The following LTBP1 variants were observed in gnomAD, a reference collection of about 807,000 sequenced individuals.
LTBP1 encodes the protein latent-transforming growth factor beta-binding protein 1.
Under a neutral mutation model 207.6 loss-of-function variants are expected in LTBP1, and 129 were observed. That is an observed-to-expected ratio of 0.62 (90% CI 0.54 to 0.72). The LOEUF is 0.72. Among genes scored for constraint, LTBP1 ranks in the 30% least tolerant of loss-of-function variants. The pLI is 0.00. For synonymous variants in LTBP1, 963 were observed against 833.7 expected, an observed-to-expected ratio of 1.16 and a Z score of -2.67; for missense variants, 2,281 against 2,217.2, an observed-to-expected ratio of 1.03 and a Z score of -0.58.
intron 2 of LTBP1, among the ~76,000 whole-genome samples, chr2:32,965,276 A>C (rs1452327152): frequency 6.6e-6 from 1 of 151,570 alleles, no homozygotes; most frequent in East Asian, 1.9e-4. Flanking sequence ...CATACACACA[A>C]CCTCTCCCAC....
chr2:33,100,271 T>C (rs1339162696), intron 3 of LTBP1, among the ~76,000 whole-genome samples: 1 of 152,112 alleles, frequency 6.6e-6, no homozygotes, highest in African/African-American at 2.4e-5. Context: ...AAAAATGAAG[T>C]TGATAACATG....
rs1284578783 is a variant in LTBP1, at chr2:33,019,445, C to T, written c.566-1464C>T. On this transcript the variant is annotated intron_variant, in intron 2 of 33. Coordinates refer to ENST00000404816, the MANE Select transcript of LTBP1 (RefSeq NM_206943.4). ...CTGTCCTCTGGGTTCAAGTGATTCTCCTACCTCAGCCTTCCGAGAACTGGG... is the reference window on the plus strand; with the variant it reads ...CTGTCCTCTGGGTTCAAGTGATTCTTCTACCTCAGCCTTCCGAGAACTGGG... Among the ~76,000 whole-genome samples the T allele has an allele frequency of 3.4e-5, 5 of 148,942 alleles. No individual in the cohort carries two copies. The East Asian group carries it at 8.1e-4, about 24-fold the overall frequency.
intron 3 of LTBP1, among the ~76,000 whole-genome samples, chr2:33,023,350 C>T (rs1052036059): frequency 1.3e-5 from 2 of 152,132 alleles, no homozygotes; most frequent in South Asian, 2.1e-4. Flanking sequence ...AACCGTATGT[C>T]GGATGTCAGA....
intron 2 of LTBP1, among the ~76,000 whole-genome samples, chr2:32,985,806 T>C (rs1357357670): frequency 6.6e-6 from 1 of 152,154 alleles, no homozygotes; most frequent in Non-Finnish European, 1.5e-5. Flanking sequence ...AGGAAGCTTC[T>C]TGGTTTTACA....
chr2:33,301,644 G>C lies in LTBP1; in HGVS notation c.3481G>C (p.Asp1161His). The change falls in exon 22 of 34, where the codon GAT (aspartate) becomes CAT (histidine). Residue 1161 changes from aspartate (D) to histidine (H), a missense_variant and splice_region_variant. Around this residue, in one of 3 missense-constraint regions of LTBP1, gnomAD observed 1,671 missense variants for 1,634.8 expected, o/e 1.02. Transcript: ENST00000404816. ...RASGLGDHCE[D>H]INECLEDKSV... Reference sequence around the variant, plus strand: ...ATCTGGGCTTGGAGACCACTGTGAAGGTAAGAATTGCTCCTGATTTCAGAA... The same window carrying C: ...ATCTGGGCTTGGAGACCACTGTGAACGTAAGAATTGCTCCTGATTTCAGAA... 1 of 1,585,106 alleles carries C rather than the reference G, an allele frequency of 6.3e-7. No homozygotes were observed. The highest frequency in any genetic ancestry group is 8.5e-7 in the Non-Finnish European group (1 of 1,169,728).
chr2:33,199,735 C>T (rs1481621187), intron 7 of LTBP1, among the ~76,000 whole-genome samples: 1 of 152,140 alleles, frequency 6.6e-6, no homozygotes, highest in African/African-American at 2.4e-5. Flanking sequence ...CCCATCGTCT[C>T]AGCCCAAAAT....
chr2:33,072,515 G>A (rs753436457), intron 3 of LTBP1, among the ~76,000 whole-genome samples: 2 of 152,132 alleles, frequency 1.3e-5, no homozygotes, highest in African/African-American at 4.8e-5. Context: ...GAAGGTCCTC[G>A]CATTTGTTCA....
intron 26 of LTBP1, among the ~76,000 whole-genome samples, chr2:33,355,745 G>A (rs1188082710): frequency 6.6e-6 from 1 of 151,766 alleles, no homozygotes; most frequent in Non-Finnish European, 1.5e-5. Flanking sequence ...CCAATCTCTT[G>A]TAATGCCTTC....
At chr2:33,375,499 C>G (rs910951511) in intron 31 of LTBP1, among the ~76,000 whole-genome samples, 1 of 152,058 alleles carries the variant, frequency 6.6e-6, no homozygotes, top group African/African-American at 2.4e-5. Context: ...TTTATGCACA[C>G]AAAGGACCAT....
At chr2:33,321,280 C>T (rs72799747) in intron 24 of LTBP1, among the ~76,000 whole-genome samples, 2 of 152,170 alleles carry the variant, frequency 1.3e-5, no homozygotes, top group African/African-American at 4.8e-5. Flanking sequence ...ACTCTAACCC[C>T]ATAACCTTCT....
At chr2:33,003,383 G>A (rs1686329437) in intron 2 of LTBP1, among the ~76,000 whole-genome samples, 1 of 152,206 alleles carries the variant, frequency 6.6e-6, no homozygotes, top group South Asian at 2.1e-4. Flanking sequence ...AGATGTTGCA[G>A]TTGAGGCTTA....
intron 5 of LTBP1, among the ~76,000 whole-genome samples, chr2:33,176,929 G>A (rs1436507288): frequency 6.6e-6 from 1 of 152,194 alleles, no homozygotes; most frequent in African/African-American, 2.4e-5. Context: ...TTTGCTGAGT[G>A]CCTGCTATGT....
chr2:33,367,403 A>C (rs995477874), intron 31 of LTBP1, among the ~76,000 whole-genome samples: 11 of 151,588 alleles, frequency 7.3e-5, no homozygotes, highest in African/African-American at 2.7e-4. Flanking sequence ...CTTACCTGCA[A>C]GTATTCCATA....
At chr2:33,275,777 A>G (rs936691409) in intron 17 of LTBP1, 24 bp from the exon 18 acceptor site, 3 of 1,613,684 alleles carry the variant, frequency 1.9e-6, no homozygotes, top group African/African-American at 2.7e-5. Context: ...CACAAAACTC[A>G]ACAATGCTAT....
chr2:32,989,307 G>A (rs1161507630), intron 2 of LTBP1, among the ~76,000 whole-genome samples: 2 of 152,062 alleles, frequency 1.3e-5, no homozygotes, highest in Admixed American at 6.5e-5. Flanking sequence ...ATGCAAAATG[G>A]GTTTATCCAT....
At chr2:33,326,640 A>AATTAATTTATTTATTT (rs1553502915) in intron 24 of LTBP1, among the ~76,000 whole-genome samples, 1 of 144,590 alleles carries the variant, frequency 6.9e-6, no homozygotes, top group Non-Finnish European at 1.5e-5. Context: ...TGAGGGATAT[A>AATTAATTTATTTATTT]ATTTATTTAT....
At chr2:33,116,331 C>T (rs1338998469) in intron 4 of LTBP1, among the ~76,000 whole-genome samples, 1 of 152,186 alleles carries the variant, frequency 6.6e-6, no homozygotes, top group African/African-American at 2.4e-5. Context: ...AAATAGGTTA[C>T]TTATATTTCA....
chr2:33,206,670 C>T (rs1047649515), intron 7 of LTBP1, among the ~76,000 whole-genome samples: 1 of 149,038 alleles, frequency 6.7e-6, no homozygotes, highest in Non-Finnish European at 1.5e-5. Context: ...ACCTGGGAGG[C>T]GGAGCTTGCA....
intron 7 of LTBP1, among the ~76,000 whole-genome samples, chr2:33,201,477 G>C (rs1227617940): frequency 6.7e-6 from 1 of 149,450 alleles, no homozygotes; most frequent in Non-Finnish European, 1.5e-5. Flanking sequence ...GGGGACTGTT[G>C]TGGGGTGGGG....
Sources: gnomAD v4.1 joint callset for allele counts (sites outside exome capture counted in the v4.1 genomes callset) on GRCh38, gnomAD v4.1.1 for gene constraint, gnomAD v4.1.1 regional missense constraint, MANE v1.5 for transcripts, NCBI Gene and HGNC (gene_info 2026-07-23, HGNC 2026-07-21) for gene names.